The following DSC3 variants were observed in gnomAD, a reference collection of about 807,000 sequenced individuals.
The protein encoded by DSC3 is desmocollin-3.
Under a neutral mutation model 89.5 loss-of-function variants are expected in DSC3, and 97 were observed. The observed-to-expected ratio is 1.08, with a 90% confidence interval of 0.92 to 1.28. DSC3 has a LOEUF of 1.28. DSC3 is among the 50% of genes most tolerant of loss of function. DSC3 has a pLI of 0.00. For synonymous variants in DSC3, 436 were observed against 384.1 expected (o/e 1.14, Z -1.58); for missense variants, 1,199 against 1,085.3 (o/e 1.10, Z -1.47).
intron 1 of DSC3, among the ~76,000 whole-genome samples, chr18:31,042,008 C>CG (rs1375766899): frequency 1.3e-5 from 2 of 152,014 alleles, no homozygotes; most frequent in Non-Finnish European, 2.9e-5. Context: ...GGGTGGCTGG[C>CG]GGGGGTGGAC....
rs529672314 is a variant in DSC3 at position 31,020,663 on chromosome 18, T to C, written c.942+1673A>G. Among the ~76,000 whole-genome samples, 132 of 152,200 alleles carry C rather than the reference T, an allele frequency of 8.7e-4. 1 individual carries two copies. The Middle Eastern group carries it at 0.01, about 12-fold the overall frequency. On this transcript the variant is annotated intron_variant, in intron 7 of 15. Transcript: ENST00000360428. ...TCCATACTGAAAGTCAATATTCTAG[T>C]CAGGTGCCATGGCTCATGCCTGTAA...
Position 31,008,115 on chromosome 18 carries a change from C to T in DSC3, c.1564G>A (p.Glu522Lys), listed in dbSNP as rs868440269. The T allele has an allele frequency of 6.2e-7, 1 of 1,612,672 alleles. No homozygotes were observed. The highest frequency in any genetic ancestry group is 1.1e-5 in the South Asian group (1 of 90,956). The stretch of plus-strand genomic sequence containing the variant: ...GAAGTTATGATTGACCCTGAAATTT[C>T]ATCAATGGTGATCCAACCTTTAGGA... ...HDPKGWITIDEISGSIITSKI... is the reference protein window; with the variant it reads ...HDPKGWITIDKISGSIITSKI... Residue 522 changes from glutamate (E) to lysine (K), a missense_variant, in exon 11 of 16, where the codon GAA becomes AAA. Physicochemically the swap from Glu to Lys is moderately conservative, Grantham distance 56. Transcript: ENST00000360428.
chr18:31,026,155 T>C (rs895187332), intron 4 of DSC3, among the ~76,000 whole-genome samples: 3 of 151,928 alleles, frequency 2.0e-5, no homozygotes, highest in African/African-American at 7.2e-5. Flanking sequence ...GAATAAGCTA[T>C]GAGGATAAAC....
chr18:31,010,141 A>G (rs1985008787), intron 9 of DSC3, among the ~76,000 whole-genome samples: 1 of 152,252 alleles, frequency 6.6e-6, no homozygotes, highest in Admixed American at 6.5e-5. Context: ...ACAGAGTAAG[A>G]CATTAGTATC....
At chr18:31,000,915 A>G (rs1207841808) in intron 14 of DSC3, among the ~76,000 whole-genome samples, 4 of 151,494 alleles carry the variant, frequency 2.6e-5, no homozygotes, top group Non-Finnish European at 4.4e-5. Flanking sequence ...AGTAGGATCT[A>G]TTTCTCATAA....
chr18:31,005,603 T>C (rs1386891175), intron 12 of DSC3, among the ~76,000 whole-genome samples: 1 of 152,226 alleles, frequency 6.6e-6, no homozygotes, highest in Non-Finnish European at 1.5e-5. Context: ...CTTATTCTCC[T>C]GGTATGTTTC....
intron 14 of DSC3, among the ~76,000 whole-genome samples, chr18:30,998,909 G>C (rs1458170331): frequency 1.3e-5 from 2 of 152,184 alleles, no homozygotes; most frequent in African/African-American, 4.8e-5. Flanking sequence ...GGAGTGCTGG[G>C]TAAGCAGGAA....
At chr18:31,042,505 G>A in intron 1 of DSC3, 87 bp downstream of exon 1, 3 of 1,374,086 alleles carry the variant, frequency 2.2e-6, no homozygotes, top group Non-Finnish European at 3.0e-6. Flanking sequence ...TCACGTTTCG[G>A]CCCGCTTTGT....
At chr18:31,024,282 CTA>C in intron 6 of DSC3, 65 bp downstream of exon 6, 1 of 1,446,512 alleles carries the variant, frequency 6.9e-7, no homozygotes, top group Non-Finnish European at 9.2e-7. Flanking sequence ...ATAAAAAGCT[CTA>C]TGTCTTTTAA....
chr18:31,021,910 T>G (rs1362321523), intron 7 of DSC3, among the ~76,000 whole-genome samples: 1 of 152,114 alleles, frequency 6.6e-6, no homozygotes, highest in African/African-American at 2.4e-5. Context: ...TTTTTAATAA[T>G]CCATCAATTT....
chr18:31,039,920 C>T lies in DSC3; in HGVS notation c.69+2672G>A, dbSNP rs78187389. 3.2e-3 allele frequency among the ~76,000 whole-genome samples: 490 copies of T among 152,166 alleles called. 2 individuals are homozygous for T. Among genetic ancestry groups the T allele is most frequent in the African/African-American group, 0.011 (466 of 41,530 alleles). On this transcript the variant is annotated intron_variant, in intron 1 of 15. Coordinates refer to ENST00000360428, the MANE Select transcript of DSC3 (RefSeq NM_001941.5). ...TTTAAAACTAGTTTTCATCTACTTC[C>T]TTTATTTGCCTTAATCTTCTTGTCA...
At chr18:30,995,838 G>A (rs1159892215) in intron 15 of DSC3, among the ~76,000 whole-genome samples, 2 of 151,590 alleles carry the variant, frequency 1.3e-5, no homozygotes, top group Non-Finnish European at 2.9e-5. Context: ...CAGGTGTGGT[G>A]GTGTATACCT....
Position 31,022,270 on chromosome 18 carries a change from T to TATA in DSC3, c.942+63_942+65dup, listed in dbSNP as rs536621551. The stretch of plus-strand genomic sequence containing the variant: ...ACTATTAATCCACAGGATAGCAAGT[T>TATA]ATAATAAATGGGGGAGGGAAGCTTA... On this transcript the variant is annotated intron_variant, in intron 7 of 15. Transcript: ENST00000360428. 284 of 1,586,560 alleles carry TATA rather than the reference T, an allele frequency of 1.8e-4. No individual in the cohort carries two copies. In the African/African-American group the frequency reaches 3.3e-3, roughly 18 times the overall value.
At chr18:31,033,826 T>A (rs1985881624) in intron 1 of DSC3, among the ~76,000 whole-genome samples, 1 of 152,132 alleles carries the variant, frequency 6.6e-6, no homozygotes, top group South Asian at 2.1e-4. Flanking sequence ...AGAATAGTTT[T>A]GTTTTGTTTT....
intron 9 of DSC3, among the ~76,000 whole-genome samples, chr18:31,012,856 GA>G (rs1272863472): frequency 1.3e-5 from 2 of 152,044 alleles, no homozygotes; most frequent in African/African-American, 4.8e-5. Flanking sequence ...CAAAACAGCT[GA>G]AAAAAATGAA....
Position 30,990,407 on chromosome 18 carries a change from A to G in DSC3, c.*3768T>C, listed in dbSNP as rs530406498. 296 of 152,328 alleles carry G rather than the reference A, an allele frequency of 1.9e-3. No homozygotes were observed. The highest frequency in any genetic ancestry group is 6.9e-3 in the African/African-American group (285 of 41,576). The allele number at this position is 152,328 out of a possible 1,614,324, so 9.4% of individuals were successfully genotyped here. A position where few individuals can be genotyped will look rare whatever the true frequency, so the allele number is the denominator to read the frequency against. ...ATCCGGTATTTTACTATTACAAACA[A>G]AAATCCAATGAACATTCTTGAAGAC... On this transcript the variant is annotated 3_prime_UTR_variant, in exon 16 of 16. Coordinates refer to ENST00000360428, the MANE Select transcript of DSC3 (RefSeq NM_001941.5).
At chr18:31,028,963 C>T (rs891785740) in intron 4 of DSC3, among the ~76,000 whole-genome samples, 1 of 152,256 alleles carries the variant, frequency 6.6e-6, no homozygotes, top group East Asian at 1.9e-4. Flanking sequence ...GTACTTTCCT[C>T]TTCTTCTGCA....
At position 30,991,542 on chromosome 18, in the gene DSC3, G is replaced by T. The variant is rs1984242297; in HGVS notation, c.*2633C>A. 1 of 152,302 alleles carries T rather than the reference G, an allele frequency of 6.6e-6. No individual in the cohort carries two copies. Among genetic ancestry groups the T allele is most frequent in the Non-Finnish European group, 1.5e-5 (1 of 68,040 alleles). The allele number at this position is 152,302 out of a possible 1,614,324, so 9.4% of individuals were successfully genotyped here. A position where few individuals can be genotyped will look rare whatever the true frequency, so the allele number is the denominator to read the frequency against. ...GATGGTTAGAGGTTTTATAAACAGG[G>T]AAGTGATACTGGTTGCTCTTTGAGA... On this transcript the variant is annotated 3_prime_UTR_variant, in exon 16 of 16. Transcript: ENST00000360428.
chr18:30,994,181 CTT>C lies in DSC3; in HGVS notation c.2683_2684del (p.Lys895GlufsTer9). ...TAATTGTAGCACTGTGACATTATCT[CTT>C]TGTGCATGCTTCTGCTAATGTAATA... The part of the protein sequence containing the change: ...KFITLAEACT[K>X]R On this transcript the variant is annotated frameshift_variant, in exon 16 of 16. Transcript: ENST00000360428. LOFTEE classifies it high-confidence loss of function. The C allele has an allele frequency of 6.2e-7, 1 of 1,613,900 alleles. No homozygotes were observed. Among genetic ancestry groups the C allele is most frequent in the Non-Finnish European group, 8.5e-7 (1 of 1,179,872 alleles).
Sources: gnomAD v4.1 joint callset for allele counts (sites outside exome capture counted in the v4.1 genomes callset) on GRCh38, gnomAD v4.1.1 for gene constraint, MANE v1.5 for transcripts, NCBI Gene and HGNC (gene_info 2026-07-23, HGNC 2026-07-21) for gene names.